The following SYNJ1 variants were observed in gnomAD, a reference collection of about 807,000 sequenced individuals.
SYNJ1 encodes the protein synaptojanin 1.
SYNJ1 carries 78 observed loss-of-function variants against 168.2 expected under a neutral mutation model. The ratio of observed to expected loss-of-function variants is 0.46; its 90% CI spans 0.39 to 0.56. SYNJ1 has a LOEUF of 0.56. Ranked by LOEUF, SYNJ1 falls within the 20% of genes least tolerant of loss-of-function variation. SYNJ1 has a pLI of 0.00. For synonymous variants in SYNJ1, 539 were observed against 548.6 expected (o/e 0.98, Z 0.24); for missense variants, 1,303 against 1,597.6 (o/e 0.82, Z 3.14).
intron 2 of SYNJ1, among the ~76,000 whole-genome samples, chr21:32,715,369 G>A (rs984701844): frequency 6.6e-6 from 1 of 151,930 alleles, no homozygotes; most frequent in Non-Finnish European, 1.5e-5. Flanking sequence ...AGCTACTCGG[G>A]ATGCTGAGGC....
At chr21:32,682,072 G>GA (rs557121925) in intron 10 of SYNJ1, among the ~76,000 whole-genome samples, 103 of 151,860 alleles carry the variant, frequency 6.8e-4, no homozygotes, top group African/African-American at 2.4e-3. Context: ...TAAAAAAAAT[G>GA]AAAAAAAGGA....
intron 6 of SYNJ1, among the ~76,000 whole-genome samples, chr21:32,690,656 C>T (rs913754494): frequency 7.2e-5 from 11 of 152,056 alleles, no homozygotes; most frequent in African/African-American, 2.2e-4. Context: ...TTGGGGAGGC[C>T]GAGGCAGCTG....
At position 32,699,857 on chromosome 21, in the gene SYNJ1, T is replaced by C; in HGVS notation, c.460A>G (p.Thr154Ala). ...ACTCACCAGAAAAATCTATTATCAG[T>C]TGTCTGTTCTTGCATGCTACGATGC... ...NAHRSMQEQT[T>A]DNRFFWNQSL... The change falls in exon 4 of 33, where the codon ACT becomes GCT. Residue 154 changes from threonine to alanine, a missense_variant. Thr to Ala is a moderately conservative substitution (Grantham distance 58). Around this residue, in one of 2 missense-constraint regions of SYNJ1, gnomAD observed 920 missense variants for 1,208.8 expected, o/e 0.76. Coordinates refer to ENST00000674351, the MANE Select transcript of SYNJ1 (RefSeq NM_203446.3). The C allele has an allele frequency of 6.2e-7, 1 of 1,612,200 alleles. No individual in the cohort carries two copies. Among genetic ancestry groups the C allele is most frequent in the Non-Finnish European group, 8.5e-7 (1 of 1,179,252 alleles).
chr21:32,636,948 C>T (rs933445470), intron 31 of SYNJ1, among the ~76,000 whole-genome samples: 14 of 152,140 alleles, frequency 9.2e-5, no homozygotes, highest in African/African-American at 3.4e-4. Context: ...TAAGGGGGCA[C>T]ACACAAAGCA....
intron 6 of SYNJ1, among the ~76,000 whole-genome samples, chr21:32,690,292 C>G (rs568231206): frequency 6.6e-6 from 1 of 152,206 alleles, no homozygotes; most frequent in Non-Finnish European, 1.5e-5. Flanking sequence ...ACTGCAGCCT[C>G]GACCTCCTGG....
At chr21:32,704,015 T>C (rs921196384) in intron 2 of SYNJ1, among the ~76,000 whole-genome samples, 3 of 152,136 alleles carry the variant, frequency 2.0e-5, no homozygotes, top group Admixed American at 2.0e-4. Context: ...GCAAAAAACA[T>C]ATTCTTAACA....
At chr21:32,657,196 C>G (rs1403170659) in intron 19 of SYNJ1, 76 bp from the exon 20 acceptor site, 25 of 984,746 alleles carry the variant, frequency 2.5e-5, no homozygotes, top group Non-Finnish European at 7.8e-6. Context: ...GAGGCATTCT[C>G]CTTCCTTTCA....
chr21:32,653,030 G>A (rs1018063860), intron 22 of SYNJ1, among the ~76,000 whole-genome samples: 2 of 152,202 alleles, frequency 1.3e-5, no homozygotes, highest in African/African-American at 2.4e-5. Flanking sequence ...ATCATAAAAT[G>A]TAATAAATCA....
At chr21:32,700,225 G>T in intron 3 of SYNJ1, 120 bp from the exon 4 acceptor site, 1 of 1,167,872 alleles carries the variant, frequency 8.6e-7, no homozygotes, top group Non-Finnish European at 1.2e-6. Context: ...TATCATGGAT[G>T]TGTTGAAATT....
chr21:32,657,715 C>T lies in SYNJ1; in HGVS notation c.2461+1G>A, dbSNP rs1482607738. ...TTAAATAAAGAAGCCCATTTCCCAA[C>T]CTGATCTATCAAAAGGCCATTTCCT... On this transcript the variant is annotated splice_donor_variant, in intron 19 of 32. Coordinates refer to ENST00000674351, the MANE Select transcript of SYNJ1 (RefSeq NM_203446.3). LOFTEE classifies it high-confidence loss of function. 6.3e-7 allele frequency: 1 copy of T among 1,589,140 alleles called. No homozygotes were observed. The highest frequency in any genetic ancestry group is 1.2e-5 in the South Asian group (1 of 85,576).
At chr21:32,636,392 A>C (rs1386539526) in intron 31 of SYNJ1, among the ~76,000 whole-genome samples, 2 of 152,258 alleles carry the variant, frequency 1.3e-5, no homozygotes, top group African/African-American at 4.8e-5. Context: ...AAGTCAAAGG[A>C]TAAATAATAA....
At chr21:32,707,048 GT>G (rs575272279) in intron 2 of SYNJ1, among the ~76,000 whole-genome samples, 18 of 152,072 alleles carry the variant, frequency 1.2e-4, no homozygotes, top group African/African-American at 4.3e-4. Flanking sequence ...TTGCCCACAT[GT>G]TCCACATTCT....
chr21:32,637,626 G>A (rs2039637038), intron 31 of SYNJ1, among the ~76,000 whole-genome samples: 1 of 151,994 alleles, frequency 6.6e-6, no homozygotes, highest in Admixed American at 6.6e-5. Context: ...ATATTGGTCA[G>A]GCTGGTCTTG....
At chr21:32,665,426 A>G (rs1198004641) in intron 17 of SYNJ1, among the ~76,000 whole-genome samples, 1 of 152,228 alleles carries the variant, frequency 6.6e-6, no homozygotes, top group Non-Finnish European at 1.5e-5. Flanking sequence ...CCTGAGACAA[A>G]TGCACATCTG....
At chr21:32,689,301 T>C (rs1345166403) in intron 6 of SYNJ1, among the ~76,000 whole-genome samples, 1 of 152,082 alleles carries the variant, frequency 6.6e-6, no homozygotes, top group Non-Finnish European at 1.5e-5. Flanking sequence ...GTGAACAAAG[T>C]GCTTTTTTTT....
intron 1 of SYNJ1, 124 bp from the exon 2 acceptor site, chr21:32,727,041 A>C: frequency 7.5e-7 from 1 of 1,330,762 alleles, no homozygotes; most frequent in South Asian, 1.5e-5. Flanking sequence ...GAAAAAACAG[A>C]CAGCTCTGGG....
At chr21:32,683,965 A>C (rs1190272281) in intron 10 of SYNJ1, 73 bp downstream of exon 10, 2 of 1,284,824 alleles carry the variant, frequency 1.6e-6, no homozygotes, top group Non-Finnish European at 2.3e-6. Flanking sequence ...AGGTAATAAG[A>C]AACATAAGTA....
rs1333594220 is a variant in SYNJ1 at position 32,699,886 on chromosome 21, T to C, written c.431A>G (p.Asn144Ser). Residue 144 changes from asparagine (N) to serine (S), a missense_variant, in exon 4 of 33, where the codon AAT becomes AGT. Coordinates refer to ENST00000674351, the MANE Select transcript of SYNJ1 (RefSeq NM_203446.3). The stretch of plus-strand genomic sequence containing the variant: ...CTGTTCTTGCATGCTACGATGCGCA[T>C]TAAGACTCAAATCTAAACTGATGCC... Reference protein sequence around the residue: ...ASGISLDLSLNAHRSMQEQTT... With the variant: ...ASGISLDLSLSAHRSMQEQTT... The C allele has an allele frequency of 6.2e-7, 1 of 1,614,048 alleles. No individual in the cohort carries two copies. The highest frequency in any genetic ancestry group is 1.3e-5 in the African/African-American group (1 of 74,920).
chr21:32,671,240 G>C (rs553480706), intron 14 of SYNJ1, among the ~76,000 whole-genome samples: 101 of 152,110 alleles, frequency 6.6e-4, no homozygotes, highest in African/African-American at 2.4e-3. Flanking sequence ...CCAGGAGTTT[G>C]AGGTTATCGT....
Sources: gnomAD v4.1 joint callset for allele counts (sites outside exome capture counted in the v4.1 genomes callset) on GRCh38, gnomAD v4.1.1 for gene constraint, gnomAD v4.1.1 regional missense constraint, MANE v1.5 for transcripts, NCBI Gene and HGNC (gene_info 2026-07-23, HGNC 2026-07-21) for gene names.